CBLB: variants seen among roughly 807,000 people sequenced by gnomAD.
CBLB encodes the protein Cbl proto-oncogene B, also known as E3 ubiquitin-protein ligase CBL-B.
Under a neutral mutation model 104.9 loss-of-function variants are expected in CBLB, and 31 were observed. The ratio of observed to expected loss-of-function variants is 0.30; its 90% confidence interval spans 0.22 to 0.40. The LOEUF (loss-of-function observed/expected upper bound fraction) is 0.40, where lower values mean the gene tolerates loss of function less well. Ranked by LOEUF, CBLB falls within the 10% of genes least tolerant of loss-of-function variation. The pLI is 1.00. For missense variants in CBLB, 1,062 were observed against 1,214.6 expected (o/e 0.87, Z 1.87); for synonymous variants, 440 against 422.6 (o/e 1.04, Z -0.51).
At chr3:105,718,559 A>C (rs984302074) in intron 10 of CBLB, among the ~76,000 whole-genome samples, 1 of 152,222 alleles carries the variant, frequency 6.6e-6, no homozygotes, top group Admixed American at 6.5e-5. Flanking sequence ...CTACAGAGAT[A>C]GATGAATACG....
chr3:105,674,927 T>C (rs771094579), intron 17 of CBLB, among the ~76,000 whole-genome samples: 1 of 152,134 alleles, frequency 6.6e-6, no homozygotes, highest in African/African-American at 2.4e-5. Context: ...GCCCCCTTGA[T>C]CCTACAACAG....
chr3:105,711,392 T>C (rs948581937), intron 10 of CBLB, among the ~76,000 whole-genome samples: 5 of 152,096 alleles, frequency 3.3e-5, no homozygotes, highest in African/African-American at 1.2e-4. Flanking sequence ...CTTGCTACTA[T>C]TCTCAGTTTT....
rs9657912 is a variant in CBLB at position 105,656,422 on chromosome 3, A to C, written c.*2548T>G. 0.027 allele frequency: 5,300 copies of C among 195,368 alleles called. 173 individuals carry two copies. Among genetic ancestry groups the C allele is most frequent in the East Asian group, 0.13 (1,652 of 12,354 alleles). 12.1% of individuals were successfully genotyped at this position (195,368 alleles called of 1,614,324 possible). The stretch of plus-strand genomic sequence containing the variant: ...AATAAAAAAAAATTTTTTTAGGTTT[A>C]ATTTCATAGGTGATAGATAGCAATG... On this transcript the variant is annotated 3_prime_UTR_variant, in exon 19 of 19. Transcript: ENST00000394030.
rs143703733 is a variant in CBLB at position 105,712,633 on chromosome 3, A to G, written c.1407+7414T>C. Among the ~76,000 whole-genome samples, 186 of 152,362 alleles carry G rather than the reference A, an allele frequency of 1.2e-3. 1 individual carries two copies. Among genetic ancestry groups the G allele is most frequent in the African/African-American group, 4.3e-3 (178 of 41,594 alleles). ...CTTAATCATTTCAACTTAGTTATAC[A>G]GAAAATAAGAACATTGTAACCTTAT... On this transcript the variant is annotated intron_variant, in intron 10 of 18. Transcript: ENST00000394030.
intron 9 of CBLB, among the ~76,000 whole-genome samples, chr3:105,726,830 G>T (rs1229481559): frequency 6.6e-6 from 1 of 152,126 alleles, no homozygotes; most frequent in Non-Finnish European, 1.5e-5. Flanking sequence ...GTGTTAGTTT[G>T]CTGAGAATGA....
At chr3:105,861,040 T>C (rs1355364850) in intron 2 of CBLB, among the ~76,000 whole-genome samples, 1 of 152,138 alleles carries the variant, frequency 6.6e-6, no homozygotes, top group Non-Finnish European at 1.5e-5. Context: ...ATCATCTAAA[T>C]GTAACTATGT....
intron 2 of CBLB, among the ~76,000 whole-genome samples, chr3:105,860,112 G>A (rs1267767370): frequency 6.6e-6 from 1 of 152,170 alleles, no homozygotes; most frequent in African/African-American, 2.4e-5. Flanking sequence ...TCTTCCAAAT[G>A]AGAATGGAAC....
chr3:105,856,837 G>A (rs920861598), intron 2 of CBLB, among the ~76,000 whole-genome samples: 6 of 152,034 alleles, frequency 3.9e-5, no homozygotes, highest in African/African-American at 1.4e-4. Flanking sequence ...TTTAATACGT[G>A]ATACGTTAGT....
rs563763709 is a variant in CBLB at position 105,801,425 on chromosome 3, G to T, written c.420-24883C>A. 3.3e-5 allele frequency among the ~76,000 whole-genome samples: 5 copies of T among 152,240 alleles called. No individual in the cohort carries two copies. The South Asian group carries it at 1.0e-3, about 32-fold the overall frequency. On this transcript the variant is annotated intron_variant, in intron 3 of 18. Coordinates refer to ENST00000394030, the MANE Select transcript of CBLB (RefSeq NM_170662.5). The stretch of plus-strand genomic sequence containing the variant: ...ATGTGTTTAGCTACTTTAAGTATAA[G>T]GAACTCAAAAGTTAAAATGAGTAAT...
chr3:105,863,684 C>T (rs1233046317), intron 2 of CBLB, among the ~76,000 whole-genome samples: 1 of 152,060 alleles, frequency 6.6e-6, no homozygotes, highest in Non-Finnish European at 1.5e-5. Context: ...AATTATATTT[C>T]AAGCTTGAAA....
At chr3:105,808,914 T>C (rs758277678) in intron 3 of CBLB, among the ~76,000 whole-genome samples, 13 of 152,178 alleles carry the variant, frequency 8.5e-5, no homozygotes, top group African/African-American at 3.1e-4. Flanking sequence ...CCTAAAACTA[T>C]GTATTATTTA....
At chr3:105,834,656 A>G (rs1326785647) in intron 3 of CBLB, among the ~76,000 whole-genome samples, 1 of 33,178 alleles carries the variant, frequency 3.0e-5, no homozygotes, top group Admixed American at 2.1e-4. Flanking sequence ...ACTCCATCTC[A>G]AAAAAGAAAA....
chr3:105,829,647 C>T (rs1350929095), intron 3 of CBLB, among the ~76,000 whole-genome samples: 6 of 113,964 alleles, frequency 5.3e-5, no homozygotes, highest in Admixed American at 1.3e-4. Flanking sequence ...ATAGCCAGAG[C>T]GACACAGCAA....
At chr3:105,837,242 C>T (rs1391427258) in intron 3 of CBLB, among the ~76,000 whole-genome samples, 1 of 152,130 alleles carries the variant, frequency 6.6e-6, no homozygotes, top group African/African-American at 2.4e-5. Flanking sequence ...ATATAACAAC[C>T]ATCTGCTGCA....
intron 3 of CBLB, among the ~76,000 whole-genome samples, chr3:105,852,925 C>A (rs1008148468): frequency 2.0e-5 from 3 of 152,142 alleles, no homozygotes; most frequent in African/African-American, 7.2e-5. Flanking sequence ...CCATGTTGGT[C>A]AGGCTGGTCT....
chr3:105,843,035 A>T (rs550823865), intron 3 of CBLB, among the ~76,000 whole-genome samples: 2 of 152,294 alleles, frequency 1.3e-5, no homozygotes, highest in South Asian at 4.1e-4. Flanking sequence ...TTGTAAATAA[A>T]TTTTTATCAA....
chr3:105,684,192 T>G (rs530000627), intron 14 of CBLB, among the ~76,000 whole-genome samples: 2 of 152,264 alleles, frequency 1.3e-5, no homozygotes, highest in South Asian at 4.1e-4. Flanking sequence ...GATGCTGGAA[T>G]GTAGGGCCAC....
chr3:105,675,741 C>T (rs552140108), intron 17 of CBLB, among the ~76,000 whole-genome samples: 2 of 151,752 alleles, frequency 1.3e-5, no homozygotes, highest in East Asian at 1.9e-4. Context: ...AAAAATTAGC[C>T]GAGTGTAGTG....
At chr3:105,717,211 C>T (rs970837121) in intron 10 of CBLB, among the ~76,000 whole-genome samples, 18 of 152,126 alleles carry the variant, frequency 1.2e-4, no homozygotes, top group African/African-American at 3.4e-4. Flanking sequence ...AAGCCTAGAC[C>T]TACCCTCTCA....
Sources: allele counts gnomAD v4.1 joint callset (sites outside exome capture counted in the v4.1 genomes callset), GRCh38; gene constraint gnomAD v4.1.1; transcripts MANE v1.5; gene names NCBI Gene and HGNC (gene_info 2026-07-23, HGNC 2026-07-21).